Variants in SPATC1L observed in about 807,000 individuals in gnomAD.
SPATC1L encodes speriolin-like protein.
In SPATC1L, 20 loss-of-function variants were observed where a neutral mutation model predicts 21.2. The ratio of observed to expected loss-of-function variants is 0.94; its 90% confidence interval spans 0.66 to 1.37. SPATC1L has a LOEUF of 1.37. SPATC1L is among the 40% of genes most tolerant of loss of function. The pLI, the probability that SPATC1L is intolerant of heterozygous loss-of-function variation, is 0.00. For missense variants in SPATC1L, 499 were observed against 478.7 expected (o/e 1.04, Z -0.40); for synonymous variants, 290 against 234.5 (o/e 1.24, Z -2.16).
chr21:46,168,468 G>A lies in SPATC1L; in HGVS notation c.384C>T (p.Gly128=), dbSNP rs772925271. The A allele has an allele frequency of 8.6e-5, 136 of 1,587,114 alleles. 1 individual carries two copies. The highest frequency in any genetic ancestry group is 8.0e-5 in the Non-Finnish European group (93 of 1,166,410). Residue 128 remains glycine (G), a synonymous_variant, in exon 3 of 5, where the codon GGC becomes GGT. Coordinates refer to ENST00000291672, the MANE Select transcript of SPATC1L (RefSeq NM_001142854.2). Reference sequence around the variant, plus strand: ...GGAGCGGGGACAGCTTCCTGTCGGTGCCTCGGTGGCTATGTGGCTCTGGGG... The same window carrying A: ...GGAGCGGGGACAGCTTCCTGTCGGTACCTCGGTGGCTATGTGGCTCTGGGG... ...LSPPEPHSHR[G]TDRKLSPLLS...
At chr21:46,181,297 C>T (rs561397810) in intron 2 of SPATC1L, among the ~76,000 whole-genome samples, 4 of 152,304 alleles carry the variant, frequency 2.6e-5, no homozygotes, top group South Asian at 2.1e-4. Context: ...CTGATGGAGA[C>T]GCAGAACCTG....
intron 2 of SPATC1L, among the ~76,000 whole-genome samples, chr21:46,181,784 C>T (rs1198127639): frequency 2.0e-5 from 3 of 152,174 alleles, no homozygotes; most frequent in Non-Finnish European, 4.4e-5. Flanking sequence ...GGGCCCGGCC[C>T]GGTGGGAAGC....
chr21:46,174,347 A>C lies in SPATC1L; in HGVS notation c.194-5689T>G, dbSNP rs112634638. Among the ~76,000 whole-genome samples the C allele has an allele frequency of 4.1e-4, 60 of 144,854 alleles. 2 individuals carry two copies. Among genetic ancestry groups the C allele is most frequent in the East Asian group, 1.4e-3 (7 of 5,002 alleles). ...GACTCTGTCTCAAAAAACAAAACAA[A>C]AAAAAAAAAAAAACAGAATGGCAAG... is the stretch of plus-strand genomic sequence containing the variant. On this transcript the variant is annotated intron_variant, in intron 2 of 4. Transcript: ENST00000291672.
chr21:46,178,181 G>A (rs1354756181), intron 2 of SPATC1L, among the ~76,000 whole-genome samples: 8 of 143,120 alleles, frequency 5.6e-5, no homozygotes, highest in African/African-American at 1.6e-4. Context: ...GCAGCGAGCC[G>A]AGATCGTGCC....
intron 3 of SPATC1L, among the ~76,000 whole-genome samples, chr21:46,167,832 TA>T (rs1276741213): frequency 6.6e-6 from 1 of 152,160 alleles, no homozygotes; most frequent in Non-Finnish European, 1.5e-5. Flanking sequence ...ATGTAAAACC[TA>T]AACTATAAAA....
At chr21:46,171,446 TG>T (rs2079589966) in intron 2 of SPATC1L, among the ~76,000 whole-genome samples, 1 of 133,606 alleles carries the variant, frequency 7.5e-6, no homozygotes, top group East Asian at 2.2e-4. Context: ...AAAAAAAAAA[TG>T]TGCCTACAAA....
At chr21:46,181,995 C>T (rs1446459275) in intron 2 of SPATC1L, among the ~76,000 whole-genome samples, 1 of 152,130 alleles carries the variant, frequency 6.6e-6, no homozygotes, top group Non-Finnish European at 1.5e-5. Flanking sequence ...ATACTTTTTT[C>T]AGTAAAAAGC....
intron 2 of SPATC1L, among the ~76,000 whole-genome samples, chr21:46,171,843 A>G (rs1251223671): frequency 6.6e-6 from 1 of 151,036 alleles, no homozygotes; most frequent in African/African-American, 2.4e-5. Context: ...CATCATACAA[A>G]TGAGGCTGGA....
chr21:46,161,183 G>T lies in SPATC1L; in HGVS notation c.*196C>A. The T allele has an allele frequency of 2.2e-6, 1 of 449,846 alleles. No individual in the cohort carries two copies. The highest frequency in any genetic ancestry group is 3.8e-6 in the Non-Finnish European group (1 of 263,514). The allele number at this position is 449,846 out of a possible 1,614,324, so 27.9% of individuals were successfully genotyped here. On this transcript the variant is annotated 3_prime_UTR_variant, in exon 5 of 5. Coordinates refer to ENST00000291672, the MANE Select transcript of SPATC1L (RefSeq NM_001142854.2). ...CATGCAAACGGATGATTTTAATGAG[G>T]GGTGAGAAGCACTCCGCAGGTGCGG...
intron 3 of SPATC1L, 69 bp from the exon 4 acceptor site, chr21:46,162,136 G>A (rs971911176): frequency 8.9e-6 from 13 of 1,459,744 alleles, no homozygotes; most frequent in Admixed American, 8.7e-5. Flanking sequence ...GGGTGCCCTC[G>A]GCCACGTGGG....
chr21:46,161,742 G>C, intron 4 of SPATC1L, 37 bp from the exon 5 acceptor site: 1 of 1,522,354 alleles, frequency 6.6e-7, no homozygotes, highest in Non-Finnish European at 8.8e-7. Context: ...TGGGGGGCTC[G>C]GGGCCCTCGG....
intron 2 of SPATC1L, among the ~76,000 whole-genome samples, chr21:46,181,373 C>A (rs901129191): frequency 1.3e-5 from 2 of 152,176 alleles, no homozygotes; most frequent in African/African-American, 4.8e-5. Context: ...CACATCCTGG[C>A]GAGGTGCTCT....
intron 2 of SPATC1L, among the ~76,000 whole-genome samples, chr21:46,177,385 A>G (rs1377382730): frequency 6.6e-6 from 1 of 152,238 alleles, no homozygotes; most frequent in Non-Finnish European, 1.5e-5. Flanking sequence ...AATATTCAGC[A>G]TCTATAAGGA....
chr21:46,172,297 G>A (rs986295884), intron 2 of SPATC1L, among the ~76,000 whole-genome samples: 6 of 152,124 alleles, frequency 3.9e-5, no homozygotes, highest in Non-Finnish European at 5.9e-5. Flanking sequence ...TGCAGAGCAC[G>A]AGGCGGTGGG....
chr21:46,181,578 G>A (rs1239970027), intron 2 of SPATC1L, among the ~76,000 whole-genome samples: 1 of 152,226 alleles, frequency 6.6e-6, no homozygotes, highest in Non-Finnish European at 1.5e-5. Flanking sequence ...ACATCTGAGG[G>A]TGGTGGCCAG....
At chr21:46,161,776 C>G in intron 4 of SPATC1L, 71 bp from the exon 5 acceptor site, 1 of 1,486,506 alleles carries the variant, frequency 6.7e-7, no homozygotes, top group Non-Finnish European at 8.9e-7. Flanking sequence ...GGCCCAGGGC[C>G]GATCCCTGCC....
At chr21:46,167,594 T>A (rs2079550394) in intron 3 of SPATC1L, among the ~76,000 whole-genome samples, 1 of 152,104 alleles carries the variant, frequency 6.6e-6, no homozygotes, top group Non-Finnish European at 1.5e-5. Context: ...GCAGGCGAAT[T>A]GCTTCAGCCC....
chr21:46,162,178 G>T, intron 3 of SPATC1L, 111 bp from the exon 4 acceptor site: 4 of 1,213,140 alleles, frequency 3.3e-6, no homozygotes, highest in Non-Finnish European at 4.5e-6. Flanking sequence ...CCTCCCACCT[G>T]CCGCCACCCC....
intron 2 of SPATC1L, 47 bp downstream of exon 2, chr21:46,182,577 C>T (rs1174281659): frequency 6.3e-6 from 9 of 1,420,000 alleles, no homozygotes; most frequent in East Asian, 2.6e-5. Flanking sequence ...GCAGGCGTCC[C>T]GCGACCCCCT....
Sources: allele counts gnomAD v4.1 joint callset (sites outside exome capture counted in the v4.1 genomes callset), GRCh38; gene constraint gnomAD v4.1.1; transcripts MANE v1.5; gene names NCBI Gene and HGNC (gene_info 2026-07-23, HGNC 2026-07-21).